Variants in BICC1 observed in about 807,000 individuals in gnomAD.
BICC1 encodes protein bicaudal C homolog 1.
In BICC1, 43 loss-of-function variants were observed where a neutral mutation model predicts 111.0. That is an observed-to-expected ratio of 0.39 (90% CI 0.30 to 0.50). The LOEUF is 0.50. BICC1 is among the 20% of genes least tolerant of loss of function. BICC1 has a pLI of 0.88. For missense variants in BICC1, 1,091 were observed against 1,203.2 expected (o/e 0.91, Z 1.38); for synonymous variants, 467 against 434.4 (o/e 1.07, Z -0.93).
At chr10:58,745,101 A>G (rs1589093179) in intron 3 of BICC1, among the ~76,000 whole-genome samples, 1 of 152,188 alleles carries the variant, frequency 6.6e-6, no homozygotes, top group South Asian at 2.1e-4. Flanking sequence ...CTTTAACCAC[A>G]TGATGACTCT....
In BICC1 at chr10:58,560,368, C is replaced by T. The variant is rs571265802; in HGVS notation, c.190+47035C>T. Among the ~76,000 whole-genome samples, 7 of 152,042 alleles carry T rather than the reference C, an allele frequency of 4.6e-5. No homozygotes were observed. In the East Asian group the frequency reaches 1.4e-3, roughly 29 times the overall value. On this transcript the variant is annotated intron_variant, in intron 1 of 20. Transcript: ENST00000373886. ...TTAACATAAAGTTGTTCATAACAAG[C>T]GCTGATCTTTTGTATTTCTGTGTTA... is the stretch of plus-strand genomic sequence containing the variant.
At chr10:58,542,414 C>T (rs1003905298) in intron 1 of BICC1, among the ~76,000 whole-genome samples, 8 of 151,928 alleles carry the variant, frequency 5.3e-5, no homozygotes, top group African/African-American at 1.9e-4. Flanking sequence ...AATTATTAAG[C>T]TCCTAGAAGA....
At chr10:58,700,470 T>A (rs1668201432) in intron 2 of BICC1, among the ~76,000 whole-genome samples, 1 of 152,122 alleles carries the variant, frequency 6.6e-6, no homozygotes. Flanking sequence ...AGTAAACACA[T>A]TAGCAGAGAC....
At chr10:58,620,950 C>G in intron 2 of BICC1, 49 bp downstream of exon 2, 1 of 1,532,904 alleles carries the variant, frequency 6.5e-7, no homozygotes, top group Non-Finnish European at 9.0e-7. Context: ...AGGAAATATA[C>G]TTATCTCAAC....
chr10:58,717,635 T>C (rs1291284211), intron 3 of BICC1, among the ~76,000 whole-genome samples: 3 of 152,218 alleles, frequency 2.0e-5, no homozygotes, highest in Non-Finnish European at 4.4e-5. Flanking sequence ...AGGATATGGC[T>C]ATAATATACA....
chr10:58,689,066 A>G (rs1418534591), intron 2 of BICC1, among the ~76,000 whole-genome samples: 1 of 152,158 alleles, frequency 6.6e-6, no homozygotes, highest in Non-Finnish European at 1.5e-5. Flanking sequence ...AACATGTATT[A>G]AGAAAGAAAG....
intron 1 of BICC1, among the ~76,000 whole-genome samples, chr10:58,572,955 G>A (rs1844005446): frequency 6.6e-6 from 1 of 152,138 alleles, no homozygotes; most frequent in Non-Finnish European, 1.5e-5. Context: ...GTGATATTCT[G>A]TCATATAGGT....
chr10:58,625,140 C>T (rs1845948728), intron 2 of BICC1, among the ~76,000 whole-genome samples: 1 of 152,212 alleles, frequency 6.6e-6, no homozygotes, highest in Non-Finnish European at 1.5e-5. Flanking sequence ...TCAGTACTCT[C>T]CGTCCACTCC....
At position 58,828,931 on chromosome 10, in the gene BICC1, G is replaced by A. The variant is rs749155775; in HGVS notation, c.*40G>A. On this transcript the variant is annotated 3_prime_UTR_variant, in exon 21 of 21. Transcript: ENST00000373886. Reference sequence around the variant, plus strand: ...CACATGCCCGCTGACTAACTGTAAAGTGGACACAGGAGATGTATGAACAGC... The same window carrying A: ...CACATGCCCGCTGACTAACTGTAAAATGGACACAGGAGATGTATGAACAGC... 3 of 1,611,192 alleles carry A rather than the reference G, an allele frequency of 1.9e-6. No individual in the cohort carries two copies. The highest frequency in any genetic ancestry group is 2.2e-5 in the East Asian group (1 of 44,784).
chr10:58,615,076 GC>G (rs535727713), intron 1 of BICC1, among the ~76,000 whole-genome samples: 18 of 151,328 alleles, frequency 1.2e-4, no homozygotes, highest in African/African-American at 2.7e-4. Flanking sequence ...TTGGCTAAGT[GC>G]CCCCCCGAGA....
In BICC1 at chr10:58,513,048, C is replaced by A. The variant is rs572664020; in HGVS notation, c.-96C>A. Reference sequence around the variant, plus strand: ...GCTGCAGGGGGACGAGCTAGCGCCGCGGCGCTGGGAGCCAGTTGAGCCCGG... The same window carrying A: ...GCTGCAGGGGGACGAGCTAGCGCCGAGGCGCTGGGAGCCAGTTGAGCCCGG... On this transcript the variant is annotated 5_prime_UTR_variant, in exon 1 of 21. Coordinates refer to ENST00000373886, the MANE Select transcript of BICC1 (RefSeq NM_001080512.3). The A allele has an allele frequency of 2.0e-6, 2 of 980,570 alleles. No individual in the cohort carries two copies. The highest frequency in any genetic ancestry group is 2.6e-6 in the Non-Finnish European group (2 of 765,800). The allele number at this position is 980,570 out of a possible 1,614,324, so 60.7% of individuals were successfully genotyped here.
At chr10:58,775,347 C>T (rs1050364324) in intron 3 of BICC1, among the ~76,000 whole-genome samples, 2 of 151,296 alleles carry the variant, frequency 1.3e-5, no homozygotes, top group East Asian at 3.9e-4. Flanking sequence ...GCACTCCAGC[C>T]TGGGTGACAG....
intron 2 of BICC1, among the ~76,000 whole-genome samples, chr10:58,688,455 A>C (rs1839811640): frequency 6.6e-6 from 1 of 152,154 alleles, no homozygotes; most frequent in Non-Finnish European, 1.5e-5. Context: ...CCAGCTAGAC[A>C]GAAAATTTCT....
intron 2 of BICC1, among the ~76,000 whole-genome samples, chr10:58,674,583 A>T (rs1007407128): frequency 1.3e-5 from 2 of 152,168 alleles, no homozygotes; most frequent in African/African-American, 4.8e-5. Context: ...GTACAAAAGG[A>T]AAGTGATTCT....
intron 3 of BICC1, among the ~76,000 whole-genome samples, chr10:58,733,636 C>T (rs758731791): frequency 2.0e-5 from 3 of 152,210 alleles, no homozygotes; most frequent in African/African-American, 4.8e-5. Context: ...GTTGATGCAG[C>T]TGTTGGAGCT....
intron 20 of BICC1, among the ~76,000 whole-genome samples, 167 bp downstream of exon 20, chr10:58,820,635 T>C (rs142410615): frequency 6.6e-6 from 1 of 152,104 alleles, no homozygotes; most frequent in African/African-American, 2.4e-5. Context: ...TGAGACTGTC[T>C]TACTTTTTCA....
chr10:58,562,666 A>T (rs1013102656), intron 1 of BICC1, among the ~76,000 whole-genome samples: 3 of 151,920 alleles, frequency 2.0e-5, no homozygotes, highest in African/African-American at 7.3e-5. Flanking sequence ...TGGAGGTGTC[A>T]TATTCCTTGC....
At chr10:58,532,640 T>G (rs944421553) in intron 1 of BICC1, among the ~76,000 whole-genome samples, 2 of 151,816 alleles carry the variant, frequency 1.3e-5, no homozygotes, top group Non-Finnish European at 2.9e-5. Flanking sequence ...TTCATCTTAT[T>G]CATGCCTAAC....
chr10:58,569,358 T>G lies in BICC1; in HGVS notation c.191-51497T>G, dbSNP rs1204373370. On this transcript the variant is annotated intron_variant, in intron 1 of 20. Coordinates refer to ENST00000373886, the MANE Select transcript of BICC1 (RefSeq NM_001080512.3). ...CCTCATCACAAGGAATATATGTACA[T>G]GCCACAATACTTAAACATGCAATTA... Among the ~76,000 whole-genome samples, 5 of 152,276 alleles carry G rather than the reference T, an allele frequency of 3.3e-5. No homozygotes were observed. The East Asian group carries it at 9.7e-4, about 29-fold the overall frequency.
Sources: allele counts gnomAD v4.1 joint callset (sites outside exome capture counted in the v4.1 genomes callset), GRCh38; gene constraint gnomAD v4.1.1; transcripts MANE v1.5; gene names NCBI Gene and HGNC (gene_info 2026-07-23, HGNC 2026-07-21).